Variants in HIBCH observed in about 807,000 individuals in gnomAD.
The protein encoded by HIBCH is 3-hydroxyisobutyryl-CoA hydrolase, mitochondrial.
HIBCH carries 50 observed loss-of-function variants against 58.2 expected under a neutral mutation model. The observed-to-expected ratio is 0.86, with a 90% CI of 0.68 to 1.09. HIBCH has a LOEUF of 1.09. HIBCH is among the 50% of genes least tolerant of loss of function. HIBCH has a pLI of 0.00. For synonymous variants in HIBCH, 151 were observed against 146.9 expected (o/e 1.03, Z -0.20); for missense variants, 450 against 449.7 (o/e 1.00, Z -0.01).
Position 190,254,177 on chromosome 2 carries a change from C to T in HIBCH, c.518-1870G>A, listed in dbSNP as rs186623888. ...AGTCCTATGTTGAAGCCCTAACCCT[C>T]GATGTAACTGCATTTGGAAGCAGGG... On this transcript the variant is annotated intron_variant, in intron 7 of 13. Coordinates refer to ENST00000359678, the MANE Select transcript of HIBCH (RefSeq NM_014362.4). The surrounding 1 kb of genome is among the most constrained non-coding windows in gnomAD (Gnocchi z 5.0). Among the ~76,000 whole-genome samples the T allele has an allele frequency of 5.3e-4, 81 of 152,194 alleles. No homozygotes were observed. Among genetic ancestry groups the T allele is most frequent in the Non-Finnish European group, 9.7e-4 (66 of 68,016 alleles).
intron 11 of HIBCH, among the ~76,000 whole-genome samples, chr2:190,244,513 C>T (rs1686549967): frequency 6.6e-6 from 1 of 152,098 alleles, no homozygotes; most frequent in African/African-American, 2.4e-5. Flanking sequence ...ATCAATGTCC[C>T]AATTGCAATG....
intron 6 of HIBCH, among the ~76,000 whole-genome samples, chr2:190,276,087 C>T (rs569324690): frequency 6.6e-6 from 1 of 152,232 alleles, no homozygotes; most frequent in South Asian, 2.1e-4. Context: ...CAATGGCTAC[C>T]AAGAGAGAGA....
intron 11 of HIBCH, among the ~76,000 whole-genome samples, chr2:190,238,637 G>A (rs544349110): frequency 6.6e-6 from 1 of 152,242 alleles, no homozygotes; most frequent in African/African-American, 2.4e-5. Flanking sequence ...GCTAATTCTT[G>A]TACTTTTAGT....
intron 9 of HIBCH, 126 bp from the exon 10 acceptor site, chr2:190,246,338 G>T: frequency 1.6e-6 from 1 of 642,258 alleles, no homozygotes; most frequent in Non-Finnish European, 2.8e-6. Context: ...ACATCTAACT[G>T]TCTCATAAAT....
intron 1 of HIBCH, among the ~76,000 whole-genome samples, chr2:190,198,527 T>C (rs1255394346): frequency 2.8e-5 from 4 of 144,998 alleles, no homozygotes; most frequent in African/African-American, 7.7e-5. Flanking sequence ...AGCTACTCAG[T>C]GGGCTGAGGT....
rs1686266017 is a variant in HIBCH, at chr2:190,236,107, T to A, written c.891+8780A>T. ...GTTGAGAGAAAAAGACGTAACAGAATGGAGACAAGCAGACAGAGGTGCACA... is the reference window on the plus strand; with the variant it reads ...GTTGAGAGAAAAAGACGTAACAGAAAGGAGACAAGCAGACAGAGGTGCACA... On this transcript the variant is annotated intron_variant, in intron 11 of 13. Transcript: ENST00000359678. The surrounding 1 kb of genome is among the most constrained non-coding windows in gnomAD (Gnocchi z 4.1). Among the ~76,000 whole-genome samples, 1 of 152,132 alleles carries A rather than the reference T, an allele frequency of 6.6e-6. No homozygotes were observed. The highest frequency in any genetic ancestry group is 2.4e-5 in the African/African-American group (1 of 41,428).
chr2:190,311,208 C>T (rs1688550363), intron 1 of HIBCH, among the ~76,000 whole-genome samples: 1 of 152,120 alleles, frequency 6.6e-6, no homozygotes, highest in South Asian at 2.1e-4. Flanking sequence ...CTCATTTCAA[C>T]TGTATGATAT....
rs34508159 is a variant in HIBCH at position 190,304,252 on chromosome 2, TAAA to T, written c.78+6499_78+6501del. On this transcript the variant is annotated intron_variant, in intron 2 of 13. Transcript: ENST00000359678. This position sits in a 1 kb window ranked among gnomAD's most constrained non-coding sequence, Gnocchi z 4.1. ...GAATACCTGAAACTGTGTAATTTGTTAAAAAAAAAAAAAAAAAGGAATTTATTC... is the reference window on the plus strand; with the variant it reads ...GAATACCTGAAACTGTGTAATTTGTTAAAAAAAAAAAAAAGGAATTTATTC... Among the ~76,000 whole-genome samples the T allele has an allele frequency of 0.025, 3,618 of 145,396 alleles. 55 individuals are homozygous for T. Among genetic ancestry groups the T allele is most frequent in the Non-Finnish European group, 0.029 (1,928 of 66,428 alleles).
intron 6 of HIBCH, among the ~76,000 whole-genome samples, chr2:190,283,939 C>A (rs560894251): frequency 6.6e-6 from 1 of 152,240 alleles, no homozygotes; most frequent in African/African-American, 2.4e-5. Flanking sequence ...GCTTAGAGCC[C>A]TAGTTCTCAA....
intron 1 of HIBCH, among the ~76,000 whole-genome samples, chr2:190,198,317 A>T (rs1690072226): frequency 6.6e-6 from 1 of 152,170 alleles, no homozygotes; most frequent in Non-Finnish European, 1.5e-5. Flanking sequence ...TAAAAAATGA[A>T]TTAGATGCAC....
chr2:190,261,329 A>G, intron 6 of HIBCH, 95 bp from the exon 7 acceptor site: 1 of 889,816 alleles, frequency 1.1e-6, no homozygotes, highest in Non-Finnish European at 1.9e-6. Context: ...CAAAGCAAGT[A>G]AATTATCTTT....
chr2:190,242,497 G>A (rs1020495781), intron 11 of HIBCH, among the ~76,000 whole-genome samples: 6 of 152,074 alleles, frequency 3.9e-5, no homozygotes, highest in Non-Finnish European at 7.3e-5. Context: ...GAGGAGAAGA[G>A]GCATTATGGT....
chr2:190,195,941 C>CTTTTTT (rs35679833), intron 1 of HIBCH, among the ~76,000 whole-genome samples: 52 of 86,142 alleles, frequency 6.0e-4, no homozygotes, highest in Non-Finnish European at 9.3e-4. Flanking sequence ...CTGTGTCCAG[C>CTTTTTT]TTTTTTTTTT....
intron 3 of HIBCH, among the ~76,000 whole-genome samples, chr2:190,296,025 T>G (rs1688094510): frequency 6.6e-6 from 1 of 152,210 alleles, no homozygotes; most frequent in Non-Finnish European, 1.5e-5. Context: ...AAATCCACGT[T>G]TCAAACCAGA....
chr2:190,193,665 C>T (rs1049231005), intron 1 of HIBCH, among the ~76,000 whole-genome samples: 2 of 152,020 alleles, frequency 1.3e-5, no homozygotes, highest in Non-Finnish European at 2.9e-5. Flanking sequence ...GCCTTTTAAA[C>T]GTATATAGAT....
rs541246885 is a variant in HIBCH, at chr2:190,227,030, TC to T, written c.892-13956del. ...AAGGTAATTTATAGATTCAATGCCATCCCCATCAAGCTACCAATGACTTTCT... is the reference window on the plus strand; with the variant it reads ...AAGGTAATTTATAGATTCAATGCCATCCCATCAAGCTACCAATGACTTTCT... On this transcript the variant is annotated intron_variant, in intron 11 of 13. Transcript: ENST00000359678. Among the ~76,000 whole-genome samples the T allele has an allele frequency of 5.9e-3, 896 of 152,200 alleles. 12 individuals carry two copies. Among genetic ancestry groups the T allele is most frequent in the African/African-American group, 0.021 (862 of 41,498 alleles).
chr2:190,248,413 G>A (rs1686672435), intron 9 of HIBCH, among the ~76,000 whole-genome samples: 1 of 152,166 alleles, frequency 6.6e-6, no homozygotes, highest in South Asian at 2.1e-4. Context: ...AAAAGGGACA[G>A]AGGTCTTCCA....
intron 2 of HIBCH, among the ~76,000 whole-genome samples, chr2:190,301,631 G>T (rs1350131889): frequency 6.6e-6 from 1 of 152,194 alleles, no homozygotes; most frequent in Non-Finnish European, 1.5e-5. Flanking sequence ...AAACACAACT[G>T]TCTTAGTCCA....
At chr2:190,302,853 A>G (rs1688303042) in intron 2 of HIBCH, among the ~76,000 whole-genome samples, 1 of 152,202 alleles carries the variant, frequency 6.6e-6, no homozygotes, top group Admixed American at 6.5e-5. Flanking sequence ...AAGGAAGCTA[A>G]CTAACTTTGG....
Sources: allele counts gnomAD v4.1 joint callset (sites outside exome capture counted in the v4.1 genomes callset), GRCh38; gene constraint gnomAD v4.1.1; non-coding constraint Gnocchi (gnomAD v3.1); transcripts MANE v1.5; gene names NCBI Gene and HGNC (gene_info 2026-07-23, HGNC 2026-07-21).